Variants in TMEM131L observed in about 807,000 individuals in gnomAD.
TMEM131L encodes the protein transmembrane protein 131-like.
TMEM131L carries 54 observed loss-of-function variants against 192.2 expected under a neutral mutation model. The observed-to-expected ratio is 0.28, with a 90% CI of 0.23 to 0.35. The LOEUF (loss-of-function observed/expected upper bound fraction) is 0.35, where lower values mean the gene tolerates loss of function less well. Among genes scored for constraint, TMEM131L ranks in the 10% least tolerant of loss-of-function variants. The probability of loss-of-function intolerance (pLI) is 1.00; values close to 1 mark genes in which losing one functional copy is unlikely to be tolerated. For synonymous variants in TMEM131L, 701 were observed against 704.9 expected (o/e 0.99, Z 0.09); for missense variants, 1,888 against 1,972.9 (o/e 0.96, Z 0.82).
intron 25 of TMEM131L, 106 bp downstream of exon 25, chr4:153,604,536 T>TTTTATTTA: frequency 8.8e-7 from 1 of 1,141,904 alleles, no homozygotes; most frequent in Non-Finnish European, 1.3e-6. Flanking sequence ...GGATGCTGAG[T>TTTTATTTA]TTTAGCAAAG....
At chr4:153,596,230 T>C in intron 19 of TMEM131L, 28 bp from the exon 20 acceptor site, 1 of 1,612,096 alleles carries the variant, frequency 6.2e-7, no homozygotes. Flanking sequence ...TCTAGGAGTA[T>C]GACATGGTTT....
chr4:153,487,693 C>CGTGTGTGTGTGTGT (rs140651689), intron 3 of TMEM131L, among the ~76,000 whole-genome samples: 75 of 142,100 alleles, frequency 5.3e-4, no homozygotes, highest in African/African-American at 1.8e-3. Context: ...GCTGCACAGG[C>CGTGTGTGTGTGTGT]GTGTGTGTGT....
At chr4:153,583,043 AT>A (rs1730469481) in intron 9 of TMEM131L, 146 bp from the exon 10 acceptor site, 1 of 599,370 alleles carries the variant, frequency 1.7e-6, no homozygotes, top group Admixed American at 3.2e-5. Flanking sequence ...CCTAGTTTTG[AT>A]TTCAGTTTTG....
intron 9 of TMEM131L, among the ~76,000 whole-genome samples, chr4:153,582,097 C>T (rs2150740646): frequency 6.6e-6 from 1 of 152,356 alleles, no homozygotes; most frequent in South Asian, 2.1e-4. Flanking sequence ...TTCAGAGACA[C>T]ATTCTGTGAT....
chr4:153,496,592 T>G (rs1354332242), intron 3 of TMEM131L, among the ~76,000 whole-genome samples: 1 of 152,220 alleles, frequency 6.6e-6, no homozygotes, highest in African/African-American at 2.4e-5. Flanking sequence ...AGGGTCTCAT[T>G]CTGTTGGCCA....
chr4:153,473,876 C>T lies in TMEM131L; in HGVS notation c.227C>T (p.Ser76Phe). Residue 76 changes from serine to phenylalanine, a missense_variant, in exon 3 of 35, where the codon TCT (serine) becomes TTT (phenylalanine). By Grantham distance (155) the Ser-to-Phe change is radical. Coordinates refer to ENST00000409959, the MANE Select transcript of TMEM131L (RefSeq NM_001131007.2). ...GDSEEGLEEP[S>F]QEQSFSDKLF... The stretch of plus-strand genomic sequence containing the variant: ...TCTGAAGAGGGTCTGGAGGAGCCTT[C>T]TCAAGAACAGAGGTAAGGAAAAAAT... 1 of 1,545,486 alleles carries T rather than the reference C, an allele frequency of 6.5e-7. No homozygotes were observed.
At chr4:153,578,628 C>G (rs1243007195) in intron 7 of TMEM131L, among the ~76,000 whole-genome samples, 1 of 151,588 alleles carries the variant, frequency 6.6e-6, no homozygotes, top group Non-Finnish European at 1.5e-5. Flanking sequence ...TCACGCCATT[C>G]TCCTGCCTCA....
rs199640142 is a variant in TMEM131L, at chr4:153,591,224, G to A, written c.1812+30G>A. ...GGACAGTGTGTCTTTTCATTTCTTTGTCAGTGACTCCCCAGTGCTTGGGTT... is the reference window on the plus strand; with the variant it reads ...GGACAGTGTGTCTTTTCATTTCTTTATCAGTGACTCCCCAGTGCTTGGGTT... On this transcript the variant is annotated intron_variant, in intron 17 of 34. Coordinates refer to ENST00000409959, the MANE Select transcript of TMEM131L (RefSeq NM_001131007.2). The A allele has an allele frequency of 9.7e-6, 15 of 1,549,844 alleles. No individual in the cohort carries two copies. In the Admixed American group the frequency reaches 1.5e-4, roughly 16 times the overall value.
rs182198432 is a variant in TMEM131L at position 153,526,655 on chromosome 4, G to A, written c.240-23418G>A. 7.0e-3 allele frequency among the ~76,000 whole-genome samples: 1,058 copies of A among 151,906 alleles called. 18 individuals carry two copies. The highest frequency in any genetic ancestry group is 0.024 in the African/African-American group (996 of 41,408). On this transcript the variant is annotated intron_variant, in intron 3 of 34. Coordinates refer to ENST00000409959, the MANE Select transcript of TMEM131L (RefSeq NM_001131007.2). ...CAGGAGGCTGAGGCAGGAGAATGGCGTGAACCCGGGAGGCGGAGCTTGCAG... is the reference window on the plus strand; with the variant it reads ...CAGGAGGCTGAGGCAGGAGAATGGCATGAACCCGGGAGGCGGAGCTTGCAG...
intron 3 of TMEM131L, among the ~76,000 whole-genome samples, chr4:153,485,383 G>C (rs1383856921): frequency 6.6e-6 from 1 of 152,152 alleles, no homozygotes; most frequent in East Asian, 1.9e-4. Flanking sequence ...ATACATGCAT[G>C]TTGGATTAAA....
chr4:153,575,632 AATATGAAATATATAAACT>A (rs1278872001), intron 7 of TMEM131L, among the ~76,000 whole-genome samples: 1 of 152,212 alleles, frequency 6.6e-6, no homozygotes, highest in African/African-American at 2.4e-5. Context: ...TATATGAAAT[AATATGAAATATATAAACT>A]ATATTAATAC....
chr4:153,602,963 A>G (rs1400963390), intron 23 of TMEM131L, among the ~76,000 whole-genome samples: 1 of 152,218 alleles, frequency 6.6e-6, no homozygotes, highest in East Asian at 1.9e-4. Context: ...TGCTCCATAT[A>G]TAGTGTGTTC....
In TMEM131L at chr4:153,636,312, A is replaced by G; in HGVS notation, c.4569A>G (p.Thr1523=). 1 of 1,613,484 alleles carries G rather than the reference A, an allele frequency of 6.2e-7. No individual in the cohort carries two copies. The highest frequency in any genetic ancestry group is 8.5e-7 in the Non-Finnish European group (1 of 1,179,486). ...CATTTATACTTCAGCCCTACCTCAC[A>G]AGCACCCGAAGCTTGTCTCCAATGT... is the stretch of plus-strand genomic sequence containing the variant. The part of the protein sequence containing the change: ...ASFISSPPYL[T]STRSLSPMSG... Residue 1523 remains threonine (T), a synonymous_variant, in exon 35 of 35, where the codon ACA becomes ACG. Transcript: ENST00000409959.
chr4:153,472,788 G>C (rs978844859), intron 2 of TMEM131L, among the ~76,000 whole-genome samples: 1 of 152,188 alleles, frequency 6.6e-6, no homozygotes, highest in Non-Finnish European at 1.5e-5. Flanking sequence ...AGGCCCTGAG[G>C]CACTTCCCAA....
At chr4:153,474,034 C>T (rs1731352874) in intron 3 of TMEM131L, 146 bp downstream of exon 3, 2 of 522,492 alleles carry the variant, frequency 3.8e-6, no homozygotes, top group Non-Finnish European at 3.4e-6. Context: ...CGTATCTATA[C>T]CTTCTAATAC....
chr4:153,527,567 G>A (rs1327639161), intron 3 of TMEM131L, among the ~76,000 whole-genome samples: 1 of 152,156 alleles, frequency 6.6e-6, no homozygotes, highest in African/African-American at 2.4e-5. Context: ...ATGAGCCACT[G>A]GCCCAAATCC....
chr4:153,578,065 A>G (rs1272921922), intron 7 of TMEM131L, among the ~76,000 whole-genome samples: 3 of 152,202 alleles, frequency 2.0e-5, no homozygotes, highest in Admixed American at 2.0e-4. Context: ...CCAGAGAGAA[A>G]GAAAAACCGA....
At chr4:153,481,219 T>G (rs557626008) in intron 3 of TMEM131L, among the ~76,000 whole-genome samples, 1 of 152,186 alleles carries the variant, frequency 6.6e-6, no homozygotes, top group African/African-American at 2.4e-5. Flanking sequence ...ACCCTGGCAC[T>G]TATCTTAGCA....
intron 3 of TMEM131L, among the ~76,000 whole-genome samples, chr4:153,544,250 T>C (rs1308947081): frequency 6.6e-6 from 1 of 152,232 alleles, no homozygotes; most frequent in African/African-American, 2.4e-5. Flanking sequence ...AGGTGCTCAC[T>C]GTTGTGTCTC....
Sources: allele counts gnomAD v4.1 joint callset (sites outside exome capture counted in the v4.1 genomes callset), GRCh38; gene constraint gnomAD v4.1.1; transcripts MANE v1.5; gene names NCBI Gene and HGNC (gene_info 2026-07-23, HGNC 2026-07-21).